The following DCC variants were observed in gnomAD, a reference collection of about 807,000 sequenced individuals.
DCC encodes DCC netrin 1 receptor.
DCC carries 58 observed loss-of-function variants against 172.5 expected under a neutral mutation model. The ratio of observed to expected loss-of-function variants is 0.34; its 90% CI spans 0.27 to 0.42. The LOEUF (loss-of-function observed/expected upper bound fraction) is 0.42, where lower values mean the gene tolerates loss of function less well. Ranked by LOEUF, DCC falls within the 10% of genes least tolerant of loss-of-function variation. The probability of loss-of-function intolerance (pLI) is 1.00; values close to 1 mark genes in which losing one functional copy is unlikely to be tolerated. For synonymous variants in DCC, 709 were observed against 644.5 expected (o/e 1.10, Z -1.52); for missense variants, 1,740 against 1,791.0 (o/e 0.97, Z 0.51).
chr18:52,653,729 C>G (rs1046466702), intron 1 of DCC, among the ~76,000 whole-genome samples: 1 of 152,078 alleles, frequency 6.6e-6, no homozygotes, highest in East Asian at 1.9e-4. Flanking sequence ...CTTTCCCCTC[C>G]GCCAGTTGTT....
chr18:52,703,831 A>C (rs1288885600), intron 1 of DCC, among the ~76,000 whole-genome samples: 2 of 151,474 alleles, frequency 1.3e-5, no homozygotes, highest in Non-Finnish European at 2.9e-5. Flanking sequence ...TAAAAGAATG[A>C]GCAGAGATAT....
At chr18:53,063,849 T>G (rs938293935) in intron 6 of DCC, among the ~76,000 whole-genome samples, 1 of 152,210 alleles carries the variant, frequency 6.6e-6, no homozygotes, top group African/African-American at 2.4e-5. Flanking sequence ...AATACAGTTT[T>G]ATAAGATATG....
intron 5 of DCC, among the ~76,000 whole-genome samples, chr18:53,013,168 C>T: frequency 6.6e-6 from 1 of 152,064 alleles, no homozygotes; most frequent in South Asian, 2.1e-4. Context: ...TGTGGTGATT[C>T]CTCGAGGATC....
chr18:52,919,692 A>G (rs1236308416), intron 3 of DCC, among the ~76,000 whole-genome samples: 1 of 152,088 alleles, frequency 6.6e-6, no homozygotes, highest in East Asian at 1.9e-4. Flanking sequence ...ATTTTAAAAC[A>G]AAGATTAAAT....
intron 5 of DCC, among the ~76,000 whole-genome samples, chr18:52,996,326 C>T (rs1301136252): frequency 6.6e-6 from 1 of 151,870 alleles, no homozygotes; most frequent in Admixed American, 6.6e-5. Flanking sequence ...ACCATAATTG[C>T]ATGTCTGAGG....
intron 1 of DCC, among the ~76,000 whole-genome samples, chr18:52,347,825 G>A (rs8083215): frequency 0.25 from 38,577 of 151,988 alleles, 5,221 homozygotes; most frequent in Non-Finnish European, 0.31. Flanking sequence ...ATCAACTCTA[G>A]TTATTAGTTT....
chr18:52,753,978 A>G (rs2037038273), intron 2 of DCC: 1 of 152,196 alleles, frequency 6.6e-6, no homozygotes, highest in South Asian at 2.1e-4. Context: ...TGAATGGGTA[A>G]GCAGATTTGA....
At chr18:53,468,289 A>G (rs1435489382) in intron 25 of DCC, among the ~76,000 whole-genome samples, 1 of 150,844 alleles carries the variant, frequency 6.6e-6, no homozygotes, top group Non-Finnish European at 1.5e-5. Flanking sequence ...AAAAGAGCTG[A>G]TATATATTTT....
chr18:53,090,206 A>G (rs1045275211), intron 7 of DCC, among the ~76,000 whole-genome samples: 1 of 152,214 alleles, frequency 6.6e-6, no homozygotes, highest in African/African-American at 2.4e-5. Flanking sequence ...AATACAAGAA[A>G]ATGTTCTTAA....
At chr18:53,279,659 A>C (rs889782175) in intron 12 of DCC, among the ~76,000 whole-genome samples, 4 of 152,048 alleles carry the variant, frequency 2.6e-5, no homozygotes, top group South Asian at 2.1e-4. Context: ...AAAAAAAAAA[A>C]AAAAACCTGT....
intron 21 of DCC, among the ~76,000 whole-genome samples, chr18:53,427,629 T>C (rs1911063384): frequency 6.6e-6 from 1 of 151,152 alleles, no homozygotes; most frequent in Non-Finnish European, 1.5e-5. Context: ...ACCTGAAATC[T>C]TTAAGAAGGA....
At chr18:52,728,453 C>T (rs1166543721) in intron 1 of DCC, among the ~76,000 whole-genome samples, 4 of 152,092 alleles carry the variant, frequency 2.6e-5, no homozygotes, top group African/African-American at 9.7e-5. Flanking sequence ...CCTTTCTTCT[C>T]CCAAGATTGT....
chr18:52,828,656 G>A (rs1208982543), intron 2 of DCC, among the ~76,000 whole-genome samples: 3 of 152,206 alleles, frequency 2.0e-5, no homozygotes, highest in African/African-American at 7.2e-5. Context: ...ACTCATTTCT[G>A]AAACTATATG....
rs201242417 is a variant in DCC, at chr18:53,486,802, G to A, written c.3742G>A (p.Val1248Met). The part of the protein sequence containing the change: ...MDAQSNNPAV[V>M]SAIPVPTLES... ...TTAACCTTTTTCTTTTGCAGCTGTC[G>A]TGAGCGCCATCCCGGTGCCAACGCT... is the stretch of plus-strand genomic sequence containing the variant. Residue 1248 changes from valine (V) to methionine (M), a missense_variant, in exon 26 of 29, where the codon GTG becomes ATG. This residue lies in a region of DCC where 1,732 missense variants were observed against 1,767.4 expected (regional missense o/e 0.98). Coordinates refer to ENST00000442544, the MANE Select transcript of DCC (RefSeq NM_005215.4). 1.7e-5 allele frequency: 27 copies of A among 1,613,894 alleles called. No individual in the cohort carries two copies. Among genetic ancestry groups the A allele is most frequent in the East Asian group, 2.2e-5 (1 of 44,864 alleles).
At chr18:52,871,663 C>T (rs1007969242) in intron 2 of DCC, among the ~76,000 whole-genome samples, 4 of 152,216 alleles carry the variant, frequency 2.6e-5, no homozygotes, top group East Asian at 3.9e-4. Flanking sequence ...TCATCTTGCC[C>T]AGGCTGGTTT....
chr18:53,395,795 A>G (rs1171338748), intron 17 of DCC, among the ~76,000 whole-genome samples: 1 of 152,042 alleles, frequency 6.6e-6, no homozygotes, highest in East Asian at 1.9e-4. Flanking sequence ...GGTGCATGCT[A>G]CCATGCCCAG....
intron 1 of DCC, among the ~76,000 whole-genome samples, chr18:52,663,621 A>G (rs982723011): frequency 6.6e-6 from 1 of 152,202 alleles, no homozygotes; most frequent in African/African-American, 2.4e-5. Flanking sequence ...CTGTGACTCT[A>G]CAATGCAGAA....
At chr18:53,260,072 C>A (rs547797474) in intron 12 of DCC, among the ~76,000 whole-genome samples, 1 of 152,096 alleles carries the variant, frequency 6.6e-6, no homozygotes. Context: ...TTAAGGACTT[C>A]CCTGCATTGG....
chr18:52,629,089 CA>C (rs1207504254), intron 1 of DCC, among the ~76,000 whole-genome samples: 1 of 152,190 alleles, frequency 6.6e-6, no homozygotes, highest in Non-Finnish European at 1.5e-5. Context: ...TACTCACTTT[CA>C]AAATTATTCT....
Sources: gnomAD v4.1 joint callset for allele counts (sites outside exome capture counted in the v4.1 genomes callset) on GRCh38, gnomAD v4.1.1 for gene constraint, gnomAD v4.1.1 regional missense constraint, MANE v1.5 for transcripts, NCBI Gene and HGNC (gene_info 2026-07-23, HGNC 2026-07-21) for gene names.